ATXN7: variants seen among roughly 807,000 people sequenced by gnomAD.
The protein encoded by ATXN7 is ataxin-7.
A neutral mutation model predicts 70.5 loss-of-function variants in ATXN7; 12 were observed. That is an observed-to-expected ratio of 0.17 (90% CI 0.11 to 0.28). The LOEUF (loss-of-function observed/expected upper bound fraction) is 0.28. Among genes scored for constraint, ATXN7 ranks in the 10% least tolerant of loss-of-function variants. The probability of loss-of-function intolerance (pLI) is 1.00; values close to 1 mark genes in which losing one functional copy is unlikely to be tolerated. For synonymous variants in ATXN7, 498 were observed against 448.7 expected, an observed-to-expected ratio of 1.11 and a Z score of -1.39; for missense variants, 1,256 against 1,131.7, an observed-to-expected ratio of 1.11 and a Z score of -1.58.
chr3:63,906,926 T>C (rs1482595818), intron 2 of ATXN7, among the ~76,000 whole-genome samples: 1 of 152,150 alleles, frequency 6.6e-6, no homozygotes, highest in East Asian at 1.9e-4. Flanking sequence ...AGGAGAGAAG[T>C]TTTTATTTAT....
intron 1 of ATXN7, among the ~76,000 whole-genome samples, chr3:63,896,014 C>T (rs762117177): frequency 6.6e-6 from 1 of 152,140 alleles, no homozygotes; most frequent in Admixed American, 6.5e-5. Context: ...AAGAAGAACA[C>T]ATTGACTGTC....
At chr3:63,920,802 TA>T (rs1044273349) in intron 4 of ATXN7, among the ~76,000 whole-genome samples, 2 of 152,034 alleles carry the variant, frequency 1.3e-5, no homozygotes, top group Non-Finnish European at 2.9e-5. Context: ...TTTGTGCCAT[TA>T]AAAAAAATTC....
chr3:63,997,981 GTTACTCATTACAGT>G, intron 12 of ATXN7: 1 of 985,360 alleles, frequency 1.0e-6, no homozygotes, highest in Non-Finnish European at 1.2e-6. Flanking sequence ...TTGGTTTGTA[GTTACTCATTACAGT>G]TTATAAGCAT....
At position 63,974,199 on chromosome 3, in the gene ATXN7, T is replaced by A. The variant is rs191615057; in HGVS notation, c.500-5716T>A. On this transcript the variant is annotated intron_variant, in intron 5 of 12. Coordinates refer to ENST00000674280, the MANE Select transcript of ATXN7 (RefSeq NM_001377405.1). ...ACTGGCTGACACACCCATAGCTGAT[T>A]TTTAGCTTAGCAACTTCCAAAATGG... Among the ~76,000 whole-genome samples the A allele has an allele frequency of 4.5e-3, 681 of 152,280 alleles. 6 individuals are homozygous for A. The highest frequency in any genetic ancestry group is 0.015 in the African/African-American group (621 of 41,550).
intron 1 of ATXN7, among the ~76,000 whole-genome samples, chr3:63,874,468 A>G (rs1431076755): frequency 6.6e-6 from 1 of 152,254 alleles, no homozygotes; most frequent in African/African-American, 2.4e-5. Flanking sequence ...TGCTGTGCAT[A>G]TACAGTGTGA....
At chr3:63,982,041 A>C in intron 6 of ATXN7, 145 bp from the exon 7 acceptor site, 1 of 1,116,660 alleles carries the variant, frequency 9.0e-7, no homozygotes, top group Non-Finnish European at 1.3e-6. Context: ...CCTTACTAAC[A>C]AAACTCATAA....
rs1702566348 is a variant in ATXN7 at position 63,870,671 on chromosome 3, C to T, written c.-111+6513C>T. On this transcript the variant is annotated intron_variant, in intron 1 of 12. Coordinates refer to ENST00000674280, the MANE Select transcript of ATXN7 (RefSeq NM_001377405.1). ...AGATGTGATGGTTTTTGAAGGGAAT[C>T]AGTGCTTTTGGAGCTGTCTTTTGCT... is the stretch of plus-strand genomic sequence containing the variant. Among the ~76,000 whole-genome samples, 3 of 152,260 alleles carry T rather than the reference C, an allele frequency of 2.0e-5. No homozygotes were observed. In the Middle Eastern group the frequency reaches 0.01, roughly 518 times the overall value.
rs529811675 is a variant in ATXN7, at chr3:63,995,797, C to T, written c.1975C>T (p.Leu659Phe). The change falls in exon 12 of 13, where the codon CTT (leucine) becomes TTT (phenylalanine). Residue 659 changes from leucine (L) to phenylalanine (F), a missense_variant. Leu to Phe is a conservative substitution (Grantham distance 22). Transcript: ENST00000674280. ...CTCATCCCCTTCCACGCCCTCTGGC[C>T]TTTCCTCGGTTCCTTCCTCCCCCAT... Reference protein sequence around the residue: ...SSSSPSTPSGLSSVPSSPMSR... With the variant: ...SSSSPSTPSGFSSVPSSPMSR... The T allele has an allele frequency of 8.7e-6, 14 of 1,614,118 alleles. No homozygotes were observed. Among genetic ancestry groups the T allele is most frequent in the Non-Finnish European group, 1.1e-5 (13 of 1,180,048 alleles).
rs73832001 is a variant in ATXN7, at chr3:63,871,808, C to G, written c.-111+7650C>G. Among the ~76,000 whole-genome samples the G allele has an allele frequency of 5.1e-3, 769 of 151,930 alleles. 5 individuals are homozygous for G. The highest frequency in any genetic ancestry group is 0.018 in the African/African-American group (731 of 41,442). On this transcript the variant is annotated intron_variant, in intron 1 of 12. Transcript: ENST00000674280. ...TCTGTTTTAATTATTAAATTATAAT[C>G]TAAAACTATAATTTTGATTATTAAA...
At chr3:63,988,940 C>T (rs1486312846) in intron 9 of ATXN7, among the ~76,000 whole-genome samples, 2 of 152,066 alleles carry the variant, frequency 1.3e-5, no homozygotes, top group African/African-American at 4.8e-5. Context: ...TACCTAGTTT[C>T]CAGAGGGAAG....
chr3:63,969,843 T>C (rs1201733238), intron 5 of ATXN7, among the ~76,000 whole-genome samples: 1 of 152,222 alleles, frequency 6.6e-6, no homozygotes, highest in African/African-American at 2.4e-5. Context: ...CAAAAGTAGC[T>C]AGAGACTGGT....
chr3:63,982,586 T>C (rs762891784), intron 7 of ATXN7, 141 bp downstream of exon 7: 1 of 789,174 alleles, frequency 1.3e-6, no homozygotes, highest in Non-Finnish European at 2.0e-6. Context: ...TTAGTTAATA[T>C]GTTTGTTCTT....
chr3:63,965,077 AT>A (rs1450939596), intron 5 of ATXN7, among the ~76,000 whole-genome samples: 1 of 152,228 alleles, frequency 6.6e-6, no homozygotes, highest in East Asian at 1.9e-4. Flanking sequence ...CTTCTCAAGG[AT>A]TCAGTTTAGG....
At chr3:63,952,313 T>G in intron 4 of ATXN7, 66 bp from the exon 5 acceptor site, 1 of 1,247,260 alleles carries the variant, frequency 8.0e-7, no homozygotes, top group South Asian at 1.5e-5. Context: ...AGAAAGTAGT[T>G]TCCCAAAATG....
In ATXN7 at chr3:63,884,636, CT is replaced by C. The variant is rs578022724; in HGVS notation, c.-110-13752del. On this transcript the variant is annotated intron_variant, in intron 1 of 12. Transcript: ENST00000674280. ...AAGGAGATGGAACATCACTGCCAATCTTTTTTTTTTTCTTTCTTATTTTTTT... is the reference window on the plus strand; with the variant it reads ...AAGGAGATGGAACATCACTGCCAATCTTTTTTTTTTCTTTCTTATTTTTTT... 1.6e-3 allele frequency among the ~76,000 whole-genome samples: 228 copies of C among 146,288 alleles called. 2 individuals are homozygous for C. The South Asian group carries it at 0.017, about 11-fold the overall frequency.
At chr3:63,979,017 A>C (rs770940153) in intron 5 of ATXN7, among the ~76,000 whole-genome samples, 4 of 152,222 alleles carry the variant, frequency 2.6e-5, no homozygotes, top group Non-Finnish European at 5.9e-5. Context: ...TAATTAATTA[A>C]AGGCAGCCAC....
intron 4 of ATXN7, among the ~76,000 whole-genome samples, chr3:63,940,730 A>T (rs2074746427): frequency 6.6e-6 from 1 of 152,182 alleles, no homozygotes. Context: ...GTATGCCTAG[A>T]TGTGCCTAGA....
chr3:63,998,072 C>T (rs2075788513), intron 12 of ATXN7: 1 of 985,334 alleles, frequency 1.0e-6, no homozygotes, highest in Non-Finnish European at 1.2e-6. Flanking sequence ...TTGAGAGAGA[C>T]ATGATCCCCA....
At chr3:63,902,777 C>A (rs1453963196) in intron 2 of ATXN7, among the ~76,000 whole-genome samples, 1 of 151,996 alleles carries the variant, frequency 6.6e-6, no homozygotes, top group Non-Finnish European at 1.5e-5. Flanking sequence ...CATGCCGTTG[C>A]CACTCACCTA....
Sources: allele counts gnomAD v4.1 joint callset (sites outside exome capture counted in the v4.1 genomes callset), GRCh38; gene constraint gnomAD v4.1.1; transcripts MANE v1.5; gene names NCBI Gene and HGNC (gene_info 2026-07-23, HGNC 2026-07-21).